Variants in PPP1R1C observed in about 807,000 individuals in gnomAD.
The protein encoded by PPP1R1C is protein phosphatase 1 regulatory subunit 1C.
In PPP1R1C, 15 loss-of-function variants were observed where a neutral mutation model predicts 17.4. The ratio of observed to expected loss-of-function variants is 0.86; its 90% CI spans 0.58 to 1.33. The LOEUF (loss-of-function observed/expected upper bound fraction) is 1.33, where lower values mean the gene tolerates loss of function less well. Ranked by LOEUF, PPP1R1C falls within the 40% of genes most tolerant of loss-of-function variation. The probability of loss-of-function intolerance (pLI) is 0.00; values close to 1 mark genes in which losing one functional copy is unlikely to be tolerated. For missense variants in PPP1R1C, 143 were observed against 130.0 expected (o/e 1.10, Z -0.48); for synonymous variants, 35 against 43.1 (o/e 0.81, Z 0.73).
rs1574347584 is a variant in PPP1R1C, at chr2:181,976,958, C to T, written n.157+1694C>T. ...TTCAAGACCAGCCTGGGCAACATAG[C>T]GAGACCCTGTCTCTACTAAAAATAC... On this transcript the variant is annotated intron_variant and non_coding_transcript_variant, in intron 2 of 5. Coordinates refer to the PPP1R1C transcript ENST00000464264. The surrounding 1 kb of genome is among the most constrained non-coding windows in gnomAD (Gnocchi z 4.8). Among the ~76,000 whole-genome samples, 2 of 151,126 alleles carry T rather than the reference C, an allele frequency of 1.3e-5. No homozygotes were observed. The highest frequency in any genetic ancestry group is 1.5e-5 in the Non-Finnish European group (1 of 67,728).
intron 2 of PPP1R1C, among the ~76,000 whole-genome samples, chr2:182,019,553 A>C (rs537257833): frequency 3.2e-4 from 48 of 152,338 alleles, no homozygotes; most frequent in Non-Finnish European, 5.9e-4. Context: ...GAAGCGTCCC[A>C]AAATACTTAG....
chr2:182,057,116 A>C (rs1687706419), intron 2 of PPP1R1C, among the ~76,000 whole-genome samples: 1 of 152,228 alleles, frequency 6.6e-6, no homozygotes, highest in African/African-American at 2.4e-5. Context: ...TTTATGAAAC[A>C]TAGGCATTAA....
At chr2:181,997,459 G>A (rs190147951) in intron 2 of PPP1R1C, among the ~76,000 whole-genome samples, 22 of 145,200 alleles carry the variant, frequency 1.5e-4, no homozygotes, top group African/African-American at 5.4e-4. Context: ...GTTTTAAATG[G>A]AATAAGCTAA....
In PPP1R1C at chr2:181,976,161, A is replaced by G. The variant is rs1378099479; in HGVS notation, n.157+897A>G. Among the ~76,000 whole-genome samples, 1 of 152,092 alleles carries G rather than the reference A, an allele frequency of 6.6e-6. No individual in the cohort carries two copies. Among genetic ancestry groups the G allele is most frequent in the Non-Finnish European group, 1.5e-5 (1 of 67,962 alleles). On this transcript the variant is annotated intron_variant and non_coding_transcript_variant, in intron 2 of 5. Transcript: ENST00000464264. This position sits in a 1 kb window ranked among gnomAD's most constrained non-coding sequence, Gnocchi z 4.8. ...CAACCCCATTAACATCTCAGAATAT[A>G]TTCTTCCAAACATTTTTCACACATC...
At position 181,976,568 on chromosome 2, in the gene PPP1R1C, T is replaced by G. The variant is rs13388713; in HGVS notation, n.157+1304T>G. ...ACTGTTCAGGAATCCTGAGTAATTCTCCTCACCTTAATATAAATTTTATCT... is the reference window on the plus strand; with the variant it reads ...ACTGTTCAGGAATCCTGAGTAATTCGCCTCACCTTAATATAAATTTTATCT... On this transcript the variant is annotated intron_variant and non_coding_transcript_variant, in intron 2 of 5. Transcript: ENST00000464264. This position sits in a 1 kb window ranked among gnomAD's most constrained non-coding sequence, Gnocchi z 4.8. 0.03 allele frequency among the ~76,000 whole-genome samples: 4,639 copies of G among 152,222 alleles called. 255 individuals carry two copies. The highest frequency in any genetic ancestry group is 0.11 in the African/African-American group (4,400 of 41,510).
intron 2 of PPP1R1C, among the ~76,000 whole-genome samples, chr2:182,015,710 A>C (rs958178632): frequency 6.6e-6 from 1 of 152,022 alleles, no homozygotes; most frequent in Non-Finnish European, 1.5e-5. Flanking sequence ...GTCATCCAGG[A>C]GCTAGGGCCT....
Position 181,997,022 on chromosome 2 carries a change from G to A in PPP1R1C, c.142+9123G>A, listed in dbSNP as rs553561047. On this transcript the variant is annotated intron_variant, in intron 2 of 4. Coordinates refer to ENST00000682840, the MANE Select transcript of PPP1R1C (RefSeq NM_001080545.3). Reference sequence around the variant, plus strand: ...AGGCGGGCGGATCACGAGGTCAGGAGATCGAGACCATCCTGGCTAACATGG... The same window carrying A: ...AGGCGGGCGGATCACGAGGTCAGGAAATCGAGACCATCCTGGCTAACATGG... Among the ~76,000 whole-genome samples, 14 of 152,238 alleles carry A rather than the reference G, an allele frequency of 9.2e-5. No individual in the cohort carries two copies. In the South Asian group the frequency reaches 2.3e-3, roughly 25 times the overall value.
chr2:181,962,899 G>T lies in PPP1R1C; in HGVS notation n.111+8265G>T, dbSNP rs528862151. On this transcript the variant is annotated intron_variant and non_coding_transcript_variant, in intron 1 of 5. Transcript: ENST00000464264. This position sits in a 1 kb window ranked among gnomAD's most constrained non-coding sequence, Gnocchi z 6.0. The stretch of plus-strand genomic sequence containing the variant: ...TTTGTCTGCAGGACACATTTGAGAG[G>T]GGGGATCTCTGAAGTAGGAGTTCAG... Among the ~76,000 whole-genome samples, 61 of 152,226 alleles carry T rather than the reference G, an allele frequency of 4.0e-4. No homozygotes were observed. The highest frequency in any genetic ancestry group is 1.4e-3 in the African/African-American group (58 of 41,538).
intron 5 of PPP1R1C, among the ~76,000 whole-genome samples, chr2:182,124,764 G>A (rs949572566): frequency 6.6e-6 from 1 of 152,164 alleles, no homozygotes; most frequent in Non-Finnish European, 1.5e-5. Context: ...AGACTTCACT[G>A]AAGTTGCTTA....
At chr2:181,956,501 C>T (rs1273419143) in intron 1 of PPP1R1C, among the ~76,000 whole-genome samples, 2 of 152,196 alleles carry the variant, frequency 1.3e-5, no homozygotes, top group Non-Finnish European at 1.5e-5. Context: ...AACTAATTTA[C>T]ACTCCCACCA....
chr2:182,079,814 A>C (rs76846035), intron 4 of PPP1R1C, among the ~76,000 whole-genome samples: 1 of 152,088 alleles, frequency 6.6e-6, no homozygotes, highest in Non-Finnish European at 1.5e-5. Flanking sequence ...GGTGTTCTTC[A>C]GCAAGTCCTC....
At chr2:182,058,395 A>G (rs964389460) in intron 2 of PPP1R1C, among the ~76,000 whole-genome samples, 1 of 152,042 alleles carries the variant, frequency 6.6e-6, no homozygotes, top group Non-Finnish European at 1.5e-5. Flanking sequence ...GCATCATAGC[A>G]AGGGATCAAC....
At chr2:182,071,363 G>A (rs149875752) in intron 4 of PPP1R1C, among the ~76,000 whole-genome samples, 24 of 152,216 alleles carry the variant, frequency 1.6e-4, no homozygotes, top group African/African-American at 4.3e-4. Context: ...GTTTTTCTCA[G>A]GATTATATTG....
intron 2 of PPP1R1C, among the ~76,000 whole-genome samples, chr2:181,980,690 T>C (rs1247117114): frequency 6.6e-6 from 1 of 152,148 alleles, no homozygotes; most frequent in East Asian, 1.9e-4. Context: ...TGAAACTGCC[T>C]CAACAAGAAT....
At chr2:182,120,807 T>C (rs1414533336), downstream of PPP1R1C, among the ~76,000 whole-genome samples, 3 of 152,094 alleles carry the variant, frequency 2.0e-5, no homozygotes, top group African/African-American at 7.2e-5. Flanking sequence ...TAGGGTAATA[T>C]ACAGTATAGC....
intron 2 of PPP1R1C, among the ~76,000 whole-genome samples, chr2:182,047,383 CA>C (rs1390897333): frequency 6.6e-6 from 1 of 152,134 alleles, no homozygotes; most frequent in African/African-American, 2.4e-5. Context: ...AGTTTTCCAA[CA>C]TTGCCTAAAA....
intron 4 of PPP1R1C, among the ~76,000 whole-genome samples, chr2:182,112,000 A>C (rs16822596): frequency 0.097 from 14,695 of 152,174 alleles, 952 homozygotes; most frequent in East Asian, 0.26. Flanking sequence ...CCAAATTACT[A>C]TCCATTGACT....
chr2:182,124,618 T>C (rs544808909), intron 5 of PPP1R1C, among the ~76,000 whole-genome samples: 19 of 152,248 alleles, frequency 1.2e-4, no homozygotes, highest in African/African-American at 4.1e-4. Flanking sequence ...TTCACATCCC[T>C]CGTAAGTTGC....
At chr2:182,047,014 A>G (rs1463674469) in intron 2 of PPP1R1C, among the ~76,000 whole-genome samples, 2 of 152,200 alleles carry the variant, frequency 1.3e-5, no homozygotes, top group Admixed American at 6.5e-5. Context: ...TATTTCAAAT[A>G]GTGGTAAGCA....
Sources: gnomAD v4.1 joint callset for allele counts (sites outside exome capture counted in the v4.1 genomes callset) on GRCh38, gnomAD v4.1.1 for gene constraint, Gnocchi (gnomAD v3.1) non-coding constraint, MANE v1.5 for transcripts, NCBI Gene and HGNC (gene_info 2026-07-23, HGNC 2026-07-21) for gene names.